The following SGCZ variants were observed in gnomAD, a reference collection of about 807,000 sequenced individuals.
SGCZ encodes the protein sarcoglycan zeta, also known as zeta-sarcoglycan.
A neutral mutation model predicts 41.3 loss-of-function variants in SGCZ; 40 were observed. That is an observed-to-expected ratio of 0.97 (90% CI 0.75 to 1.26). The LOEUF (loss-of-function observed/expected upper bound fraction) is 1.26, where lower values mean the gene tolerates loss of function less well. Ranked by LOEUF, SGCZ falls within the 50% of genes most tolerant of loss-of-function variation. The probability of loss-of-function intolerance (pLI) is 0.00; values close to 1 mark genes in which losing one functional copy is unlikely to be tolerated. For missense variants in SGCZ, 552 were observed against 369.8 expected, an observed-to-expected ratio of 1.49 and a Z score of -4.04; for synonymous variants, 206 against 137.5, an observed-to-expected ratio of 1.50 and a Z score of -3.49.
chr8:14,874,263 G>C (rs1804266915), intron 1 of SGCZ, among the ~76,000 whole-genome samples: 1 of 152,040 alleles, frequency 6.6e-6, no homozygotes, highest in South Asian at 2.1e-4. Flanking sequence ...TAGTCAATCT[G>C]ACTGATCTGC....
intron 4 of SGCZ, chr8:14,165,370 C>A (rs1489845818): frequency 5.9e-5 from 9 of 152,066 alleles, no homozygotes; most frequent in Non-Finnish European, 1.0e-4. Flanking sequence ...AACTTACTGG[C>A]CAATTCTACA....
intron 5 of SGCZ, among the ~76,000 whole-genome samples, chr8:14,115,686 T>C (rs1563135480): frequency 6.6e-6 from 1 of 151,922 alleles, no homozygotes; most frequent in Non-Finnish European, 1.5e-5. Context: ...TTTTTTTGTA[T>C]AACCCTTTCC....
chr8:14,717,506 G>C (rs1399296730), intron 1 of SGCZ, among the ~76,000 whole-genome samples: 2 of 152,110 alleles, frequency 1.3e-5, no homozygotes, highest in South Asian at 2.1e-4. Context: ...GTACTGGTAA[G>C]AGTGACTCAA....
At chr8:14,624,948 G>A (rs1806405089) in intron 1 of SGCZ, among the ~76,000 whole-genome samples, 1 of 152,016 alleles carries the variant, frequency 6.6e-6, no homozygotes, top group African/African-American at 2.4e-5. Context: ...TTGATATTTA[G>A]AATTATTCTT....
At chr8:14,829,791 G>A (rs913376084) in intron 1 of SGCZ, among the ~76,000 whole-genome samples, 5 of 151,912 alleles carry the variant, frequency 3.3e-5, no homozygotes, top group Non-Finnish European at 7.4e-5. Flanking sequence ...AAGATTAAAA[G>A]TTCCCTAACA....
At chr8:14,679,177 T>C (rs572099295) in intron 1 of SGCZ, among the ~76,000 whole-genome samples, 4 of 152,264 alleles carry the variant, frequency 2.6e-5, no homozygotes, top group African/African-American at 9.6e-5. Context: ...TTACTTACAA[T>C]ACATAATACT....
chr8:14,834,763 A>G (rs1256237671), intron 1 of SGCZ, among the ~76,000 whole-genome samples: 2 of 152,184 alleles, frequency 1.3e-5, no homozygotes, highest in Non-Finnish European at 2.9e-5. Context: ...TTTGGAGAGC[A>G]TGTCTTCCTT....
intron 3 of SGCZ, among the ~76,000 whole-genome samples, chr8:14,291,087 A>C (rs6530759): frequency 6.6e-6 from 1 of 151,872 alleles, no homozygotes; most frequent in Non-Finnish European, 1.5e-5. Flanking sequence ...AGGCACAGAA[A>C]GATATCACTC....
intron 3 of SGCZ, among the ~76,000 whole-genome samples, chr8:14,246,570 C>T (rs1799099044): frequency 6.7e-6 from 1 of 149,570 alleles, no homozygotes; most frequent in African/African-American, 2.5e-5. Flanking sequence ...ACATTGTGCA[C>T]ATGTACCCTA....
intron 1 of SGCZ, among the ~76,000 whole-genome samples, chr8:14,806,083 G>A (rs1401220173): frequency 6.6e-6 from 1 of 151,786 alleles, no homozygotes; most frequent in Non-Finnish European, 1.5e-5. Context: ...TCAAAGCAGT[G>A]TGTAGAGGGA....
chr8:14,544,258 C>G (rs1008979757), intron 2 of SGCZ, among the ~76,000 whole-genome samples: 1 of 152,074 alleles, frequency 6.6e-6, no homozygotes, highest in African/African-American at 2.4e-5. Context: ...TCTTCATAAG[C>G]TGAGGATGTA....
At chr8:14,356,678 T>G (rs1022109526) in intron 2 of SGCZ, among the ~76,000 whole-genome samples, 4 of 152,094 alleles carry the variant, frequency 2.6e-5, no homozygotes, top group Middle Eastern at 3.4e-3. Context: ...AGGCATAATT[T>G]TGAACATTTG....
intron 1 of SGCZ, among the ~76,000 whole-genome samples, chr8:14,980,370 AAAT>A (rs1801621604): frequency 6.6e-6 from 1 of 152,208 alleles, no homozygotes; most frequent in Non-Finnish European, 1.5e-5. Context: ...TTGACATCAG[AAAT>A]AATCTCCCAC....
At chr8:14,976,984 A>G (rs1340724818) in intron 1 of SGCZ, among the ~76,000 whole-genome samples, 1 of 152,232 alleles carries the variant, frequency 6.6e-6, no homozygotes, top group African/African-American at 2.4e-5. Flanking sequence ...TTTCTTTGTG[A>G]GAGATACATT....
chr8:14,370,963 C>T (rs149673648), intron 2 of SGCZ, among the ~76,000 whole-genome samples: 3,018 of 151,820 alleles, frequency 0.02, 79 homozygotes, highest in African/African-American at 0.056. Context: ...CCTGCAGTCA[C>T]GAATATATCA....
At chr8:14,893,625 T>C (rs1005111696) in intron 1 of SGCZ, among the ~76,000 whole-genome samples, 1 of 152,170 alleles carries the variant, frequency 6.6e-6, no homozygotes, top group Non-Finnish European at 1.5e-5. Context: ...TAAAGCTTTA[T>C]AAATAATGCT....
chr8:14,854,021 TTATATATATATATATATATATATA>T (rs10604213), intron 1 of SGCZ, among the ~76,000 whole-genome samples: 1 of 107,676 alleles, frequency 9.3e-6, no homozygotes, highest in African/African-American at 3.1e-5. Flanking sequence ...TGTGATTATA[TTATATATATATATATATATATATA>T]TATATATATA....
intron 1 of SGCZ, among the ~76,000 whole-genome samples, chr8:14,583,211 T>C (rs1804951295): frequency 6.6e-6 from 1 of 151,076 alleles, no homozygotes; most frequent in African/African-American, 2.4e-5. Context: ...CTAACTGGTG[T>C]GAGATGGTAT....
rs10091444 is a variant in SGCZ, at chr8:14,769,773, C to T, written c.40-214847G>A. ...TCGTGCCATTGCACTCCATCCTGGG[C>T]GACAAGAGCAAAACACCATTAAAAA... On this transcript the variant is annotated intron_variant, in intron 1 of 7. Transcript: ENST00000382080. 2.6e-4 allele frequency among the ~76,000 whole-genome samples: 27 copies of T among 102,866 alleles called. No homozygotes were observed. The East Asian group carries it at 5.9e-3, about 22-fold the overall frequency. 67.5% of individuals were successfully genotyped at this position (102,866 alleles called of 152,430 possible). A position where few individuals can be genotyped will look rare whatever the true frequency, so the allele number is the denominator to read the frequency against.
Sources: allele counts gnomAD v4.1 joint callset (sites outside exome capture counted in the v4.1 genomes callset), GRCh38; gene constraint gnomAD v4.1.1; transcripts MANE v1.5; gene names NCBI Gene and HGNC (gene_info 2026-07-23, HGNC 2026-07-21).